Variants in LRRTM3 observed in about 807,000 individuals in gnomAD.
LRRTM3 encodes the protein leucine-rich repeat transmembrane neuronal protein 3.
A neutral mutation model predicts 44.7 loss-of-function variants in LRRTM3; 24 were observed. That is an observed-to-expected ratio of 0.54 (90% CI 0.39 to 0.76). LRRTM3 has a LOEUF of 0.76. Ranked by LOEUF, LRRTM3 falls within the 30% of genes least tolerant of loss-of-function variation. The pLI, the probability that LRRTM3 is intolerant of heterozygous loss-of-function variation, is 0.00. For missense variants in LRRTM3, 587 were observed against 702.2 expected (o/e 0.84, Z 1.85); for synonymous variants, 277 against 278.7 (o/e 0.99, Z 0.06).
chr10:66,963,879 T>C (rs573696166), intron 2 of LRRTM3, among the ~76,000 whole-genome samples: 1 of 151,784 alleles, frequency 6.6e-6, no homozygotes, highest in Non-Finnish European at 1.5e-5. Context: ...AGTCTTGCTC[T>C]GTTGCCAGGC....
chr10:67,056,342 TG>T (rs1855427995), intron 2 of LRRTM3, among the ~76,000 whole-genome samples: 1 of 152,192 alleles, frequency 6.6e-6, no homozygotes, highest in African/African-American at 2.4e-5. Flanking sequence ...GTTACTTCTA[TG>T]CATAATTGGT....
chr10:66,972,352 G>T (rs1849767307), intron 2 of LRRTM3, among the ~76,000 whole-genome samples: 1 of 152,044 alleles, frequency 6.6e-6, no homozygotes, highest in Non-Finnish European at 1.5e-5. Flanking sequence ...ATGAAATGAG[G>T]TCTATGTTGC....
chr10:66,985,933 G>A (rs1426375807), intron 2 of LRRTM3, among the ~76,000 whole-genome samples: 2 of 151,920 alleles, frequency 1.3e-5, no homozygotes, highest in African/African-American at 2.4e-5. Context: ...TCACCATGTT[G>A]GCCAGGATGG....
intron 2 of LRRTM3, among the ~76,000 whole-genome samples, chr10:66,984,247 T>C (rs542949213): frequency 1.3e-5 from 2 of 152,310 alleles, no homozygotes; most frequent in South Asian, 4.1e-4. Context: ...ATTTCATTTA[T>C]TGTCAGGATT....
At chr10:67,092,034 A>G (rs1857674354) in intron 2 of LRRTM3, among the ~76,000 whole-genome samples, 2 of 151,974 alleles carry the variant, frequency 1.3e-5, no homozygotes, top group African/African-American at 4.8e-5. Flanking sequence ...TAAAAGTAAG[A>G]AAATACGCCT....
chr10:66,941,336 T>C (rs1847983169), intron 2 of LRRTM3, among the ~76,000 whole-genome samples: 2 of 152,270 alleles, frequency 1.3e-5, no homozygotes, highest in Middle Eastern at 3.4e-3. Context: ...ATTTCTCGAG[T>C]GCATTTTAAA....
In LRRTM3 at chr10:66,927,702, C is replaced by G. The variant is rs1847153038; in HGVS notation, c.786C>G (p.Gly262=). The change falls in exon 2 of 3, where the codon GGC becomes GGG. Residue 262 remains glycine, a synonymous_variant. Transcript: ENST00000361320. The surrounding 1 kb of genome is among the most constrained non-coding windows in gnomAD (Gnocchi z 4.7). ...CCTTACAAAGGCTTGATTTATCAGG[C>G]AATGAGATCGAAGCTTTCAGTGGAC... ...WSSLQRLDLS[G]NEIEAFSGPS... 1 of 1,614,046 alleles carries G rather than the reference C, an allele frequency of 6.2e-7. No homozygotes were observed. Among genetic ancestry groups the G allele is most frequent in the African/African-American group, 1.3e-5 (1 of 74,904 alleles).
In LRRTM3 at chr10:67,072,499, C is replaced by T. The variant is rs1856520521; in HGVS notation, c.1537-25088C>T. On this transcript the variant is annotated intron_variant, in intron 2 of 2. Transcript: ENST00000361320. ...AGAACTACAGAATTCCAAACGATAT[C>T]TTCCACCAGAGCAGGTTTCTCACTT... Among the ~76,000 whole-genome samples the T allele has an allele frequency of 2.6e-5, 4 of 152,290 alleles. No individual in the cohort carries two copies. In the South Asian group the frequency reaches 8.3e-4, roughly 32 times the overall value.
intron 2 of LRRTM3, among the ~76,000 whole-genome samples, chr10:66,950,955 T>G (rs1020031062): frequency 6.6e-6 from 1 of 152,162 alleles, no homozygotes; most frequent in East Asian, 1.9e-4. Flanking sequence ...CTTGTCACTG[T>G]GCAGAAACTC....
chr10:67,068,454 G>A (rs1186597247), intron 2 of LRRTM3, among the ~76,000 whole-genome samples: 2 of 152,218 alleles, frequency 1.3e-5, no homozygotes, highest in Non-Finnish European at 2.9e-5. Flanking sequence ...ACCCTGGAGA[G>A]TTCTGAGTTT....
intron 2 of LRRTM3, among the ~76,000 whole-genome samples, chr10:66,978,537 A>ATAAATAAAATAAAAATAAAAAAAAT (rs1850201597): frequency 7.2e-5 from 7 of 97,512 alleles, no homozygotes; most frequent in Non-Finnish European, 1.2e-4. Context: ...AAAAAAAAAA[A>ATAAATAAAATAAAAATAAAAAAAAT]AAAAAAAAAA....
At chr10:66,983,201 G>A (rs939449586) in intron 2 of LRRTM3, among the ~76,000 whole-genome samples, 48 of 151,972 alleles carry the variant, frequency 3.2e-4, no homozygotes, top group African/African-American at 1.0e-3. Flanking sequence ...CAGCACACTC[G>A]GCAGAAAGAC....
chr10:67,044,486 T>C (rs758909488), intron 2 of LRRTM3, among the ~76,000 whole-genome samples: 29 of 152,160 alleles, frequency 1.9e-4, no homozygotes, highest in South Asian at 8.3e-4. Context: ...AATGCAATGT[T>C]AGAAAGATCA....
At chr10:66,990,848 T>C (rs572160323) in intron 2 of LRRTM3, among the ~76,000 whole-genome samples, 1 of 152,308 alleles carries the variant, frequency 6.6e-6, no homozygotes, top group South Asian at 2.1e-4. Flanking sequence ...ATTTCACTAG[T>C]ATCATGGGCA....
chr10:66,967,293 T>C (rs1238559091), intron 2 of LRRTM3, among the ~76,000 whole-genome samples: 4 of 151,728 alleles, frequency 2.6e-5, no homozygotes, highest in Admixed American at 2.0e-4. Flanking sequence ...AGTGGATAGA[T>C]ATAGATATAG....
At chr10:66,956,125 T>C (rs932067322) in intron 2 of LRRTM3, among the ~76,000 whole-genome samples, 1 of 151,990 alleles carries the variant, frequency 6.6e-6, no homozygotes, top group Non-Finnish European at 1.5e-5. Context: ...AAGAACCTTT[T>C]TGCTTGTTAG....
intron 2 of LRRTM3, among the ~76,000 whole-genome samples, chr10:67,020,199 A>G (rs28756035): frequency 0.034 from 5,203 of 152,276 alleles, 318 homozygotes; most frequent in African/African-American, 0.12. Context: ...GAGCCACCTC[A>G]ATCTAAGCCA....
intron 2 of LRRTM3, among the ~76,000 whole-genome samples, chr10:66,974,900 AT>A (rs913709569): frequency 1.6e-4 from 24 of 151,582 alleles, no homozygotes; most frequent in East Asian, 9.7e-4. Context: ...TTAATAATAC[AT>A]TTTTTTTAAG....
intron 2 of LRRTM3, among the ~76,000 whole-genome samples, chr10:66,997,936 G>C (rs939748652): frequency 6.6e-6 from 1 of 152,042 alleles, no homozygotes; most frequent in African/African-American, 2.4e-5. Context: ...AAATCTATTT[G>C]TTCCTCTTCA....
Sources: allele counts gnomAD v4.1 joint callset (sites outside exome capture counted in the v4.1 genomes callset), GRCh38; gene constraint gnomAD v4.1.1; non-coding constraint Gnocchi (gnomAD v3.1); transcripts MANE v1.5; gene names NCBI Gene and HGNC (gene_info 2026-07-23, HGNC 2026-07-21).